The following DGKI variants were observed in gnomAD, a reference collection of about 807,000 sequenced individuals.
The protein encoded by DGKI is diacylglycerol kinase iota.
DGKI carries 55 observed loss-of-function variants against 147.5 expected under a neutral mutation model. The ratio of observed to expected loss-of-function variants is 0.37; its 90% CI spans 0.30 to 0.47. DGKI has a LOEUF of 0.47. DGKI is among the 20% of genes least tolerant of loss of function. DGKI has a pLI of 1.00. For missense variants in DGKI, 1,007 were observed against 1,323.8 expected (o/e 0.76, Z 3.71); for synonymous variants, 469 against 477.1 (o/e 0.98, Z 0.22).
At chr7:137,595,208 G>A (rs192804863) in intron 12 of DGKI, among the ~76,000 whole-genome samples, 8 of 152,332 alleles carry the variant, frequency 5.3e-5, no homozygotes, top group African/African-American at 1.7e-4. Context: ...GACTGGATAT[G>A]AAAAATAGGA....
At chr7:137,471,923 T>A (rs987554758) in intron 23 of DGKI, among the ~76,000 whole-genome samples, 17 of 142,268 alleles carry the variant, frequency 1.2e-4, no homozygotes, top group Non-Finnish European at 1.7e-4. Flanking sequence ...TCTATATGTA[T>A]ATATGTATAT....
At chr7:137,788,635 TACACACACACACAC>T (rs745381286) in intron 1 of DGKI, among the ~76,000 whole-genome samples, 4 of 120,122 alleles carry the variant, frequency 3.3e-5, no homozygotes, top group Non-Finnish European at 6.8e-5. Flanking sequence ...AACCCATAAA[TACACACACACACAC>T]ACACACACAC....
At chr7:137,839,293 T>C (rs186956395) in intron 1 of DGKI, among the ~76,000 whole-genome samples, 1 of 152,376 alleles carries the variant, frequency 6.6e-6, no homozygotes, top group East Asian at 1.9e-4. Context: ...ACATATTCTA[T>C]ACCTTAAAGA....
intron 1 of DGKI, among the ~76,000 whole-genome samples, chr7:137,733,898 C>T (rs936404985): frequency 6.6e-6 from 1 of 152,094 alleles, no homozygotes; most frequent in African/African-American, 2.4e-5. Context: ...AAAACGATGA[C>T]CACCCTCCAA....
intron 4 of DGKI, 92 bp downstream of exon 4, chr7:137,656,374 T>A: frequency 7.3e-7 from 1 of 1,369,386 alleles, no homozygotes. Flanking sequence ...AGGGCATTGT[T>A]TTCAAAAAGT....
In DGKI at chr7:137,395,522, T is replaced by C. The variant is rs1811517399; in HGVS notation, c.3057+76A>G. On this transcript the variant is annotated intron_variant, in intron 32 of 32. Transcript: ENST00000614521. Reference sequence around the variant, plus strand: ...ATAAGCACAGAAAGGATGTCCGTGCTATGGTCACAAGCAAAGGCAACAGCG... The same window carrying C: ...ATAAGCACAGAAAGGATGTCCGTGCCATGGTCACAAGCAAAGGCAACAGCG... 4.3e-6 allele frequency: 6 copies of C among 1,385,134 alleles called. No individual in the cohort carries two copies. The South Asian group carries it at 4.7e-5, about 11-fold the overall frequency. 85.8% of individuals were successfully genotyped at this position (1,385,134 alleles called of 1,614,324 possible).
intron 12 of DGKI, among the ~76,000 whole-genome samples, chr7:137,595,873 G>A (rs992420720): frequency 3.3e-5 from 5 of 151,678 alleles, no homozygotes; most frequent in Admixed American, 2.0e-4. Flanking sequence ...GTGGTGGCAC[G>A]TGCCTGTAGT....
In DGKI at chr7:137,391,260, T is replaced by C. The variant is rs564824599; in HGVS notation, c.3134A>G (p.Tyr1045Cys). 1.2e-6 allele frequency: 2 copies of C among 1,613,942 alleles called. No homozygotes were observed. Among genetic ancestry groups the C allele is most frequent in the South Asian group, 1.1e-5 (1 of 91,078 alleles). Residue 1045 changes from tyrosine to cysteine, a missense_variant, in exon 33 of 33, where the codon TAT (tyrosine) becomes TGT (cysteine). Tyr to Cys is a radical substitution (Grantham distance 194). This residue lies in a region of DGKI where 385 missense variants were observed against 445.2 expected (regional missense o/e 0.86). Coordinates refer to ENST00000614521, the MANE Select transcript of DGKI (RefSeq NM_001321708.2). ...CAGGTCCTCATGGCCAATGACCTTATAGTTCTGACGGCTTTCTAGGTAAGC... is the reference window on the plus strand; with the variant it reads ...CAGGTCCTCATGGCCAATGACCTTACAGTTCTGACGGCTTTCTAGGTAAGC... The part of the protein sequence containing the change: ...LAAYLESRQN[Y>C]KVIGHEDLET...
chr7:137,600,022 G>A (rs947736841), intron 10 of DGKI, 117 bp from the exon 11 acceptor site: 25 of 876,784 alleles, frequency 2.9e-5, no homozygotes, highest in Admixed American at 9.0e-5. Flanking sequence ...GGTGGCACAC[G>A]CCTGTAATCC....
In DGKI at chr7:137,707,528, C is replaced by T. The variant is rs139938983; in HGVS notation, c.402-17526G>A. 4.1e-4 allele frequency among the ~76,000 whole-genome samples: 62 copies of T among 152,316 alleles called. No homozygotes were observed. In the East Asian group the frequency reaches 0.01, roughly 26 times the overall value. On this transcript the variant is annotated intron_variant, in intron 1 of 32. Coordinates refer to ENST00000614521, the MANE Select transcript of DGKI (RefSeq NM_001321708.2). ...TGACTGGATCACAGGGGTGGTTTCT[C>T]ATGGGTTAATACTATCCCTCTTGGA...
At chr7:137,472,230 T>TACAC (rs1563039845) in intron 23 of DGKI, among the ~76,000 whole-genome samples, 1 of 88,366 alleles carries the variant, frequency 1.1e-5, no homozygotes, top group African/African-American at 5.7e-5. Flanking sequence ...TATATATACA[T>TACAC]ATAATATATG....
At chr7:137,632,682 C>A (rs1437065148) in intron 6 of DGKI, among the ~76,000 whole-genome samples, 13 of 151,808 alleles carry the variant, frequency 8.6e-5, no homozygotes, top group Non-Finnish European at 1.6e-4. Flanking sequence ...CATGGTGAAA[C>A]CCCGTCTCCA....
chr7:137,722,094 G>T, intron 1 of DGKI: 1 of 1,598,380 alleles, frequency 6.3e-7, no homozygotes, highest in Non-Finnish European at 8.5e-7. Context: ...AGGCTAAAAA[G>T]CCCAAGAAGG....
At position 137,395,600 on chromosome 7, in the gene DGKI, T is replaced by C; in HGVS notation, c.3055A>G (p.Lys1019Glu). The change falls in exon 32 of 33, where the codon AAG becomes GAG. Residue 1019 changes from lysine to glutamate, a missense_variant and splice_region_variant. By Grantham distance (56) the Lys-to-Glu change is moderately conservative (BLOSUM62 1). Transcript: ENST00000614521. ...TTTGCACTCACTCATCGAGTTACCT[T>C]GGAGTCCGTCTTTCTCAGAGATGCT... ...AGASLRKTDS[K>E]GKTPQERAQQ... is the part of the protein sequence containing the mutation. 6.2e-7 allele frequency: 1 copy of C among 1,614,000 alleles called. No individual in the cohort carries two copies. The highest frequency in any genetic ancestry group is 8.5e-7 in the Non-Finnish European group (1 of 1,179,842).
chr7:137,545,775 C>A, intron 20 of DGKI: 1 of 509,354 alleles, frequency 2.0e-6, no homozygotes. Flanking sequence ...CAACAGAAAG[C>A]AATTCTGGTG....
chr7:137,638,474 G>A lies in DGKI; in HGVS notation c.804+6998C>T, dbSNP rs528724853. On this transcript the variant is annotated intron_variant, in intron 6 of 32. Coordinates refer to ENST00000614521, the MANE Select transcript of DGKI (RefSeq NM_001321708.2). ...CACACATATATATGTGTGTATATAT[G>A]TGTGTATATATATACACACATATAT... Among the ~76,000 whole-genome samples, 225 of 106,030 alleles carry A rather than the reference G, an allele frequency of 2.1e-3. 1 individual carries two copies. Among genetic ancestry groups the A allele is most frequent in the African/African-American group, 0.01 (197 of 19,338 alleles). 69.6% of individuals were successfully genotyped at this position (106,030 alleles called of 152,430 possible).
chr7:137,471,660 G>A (rs143514166), intron 23 of DGKI, among the ~76,000 whole-genome samples: 5 of 152,036 alleles, frequency 3.3e-5, no homozygotes, highest in East Asian at 3.9e-4. Context: ...TAAAGTTACC[G>A]AACAAAAGGA....
chr7:137,743,994 A>AAG (rs1795254452), intron 1 of DGKI, among the ~76,000 whole-genome samples: 1 of 151,572 alleles, frequency 6.6e-6, no homozygotes, highest in Non-Finnish European at 1.5e-5. Context: ...AAAAAGAAAA[A>AAG]AAAAAAAAAC....
chr7:137,557,706 C>A (rs1296821996), intron 19 of DGKI, among the ~76,000 whole-genome samples: 1 of 152,162 alleles, frequency 6.6e-6, no homozygotes, highest in East Asian at 1.9e-4. Flanking sequence ...GAAGCACTCT[C>A]TCCAGGCGAA....
Sources: allele counts gnomAD v4.1 joint callset (sites outside exome capture counted in the v4.1 genomes callset), GRCh38; gene constraint gnomAD v4.1.1; regional missense constraint gnomAD v4.1.1; transcripts MANE v1.5; gene names NCBI Gene and HGNC (gene_info 2026-07-23, HGNC 2026-07-21).